The following NRXN3 variants were observed in gnomAD, a reference collection of about 807,000 sequenced individuals.
NRXN3 encodes neurexin III.
A neutral mutation model predicts 137.6 loss-of-function variants in NRXN3; 32 were observed. That is an observed-to-expected ratio of 0.23 (90% CI 0.18 to 0.31). The LOEUF is 0.31. Among genes scored for constraint, NRXN3 ranks in the 10% least tolerant of loss-of-function variants. The probability of loss-of-function intolerance (pLI) is 1.00; values close to 1 mark genes in which losing one functional copy is unlikely to be tolerated. For missense variants in NRXN3, 1,574 were observed against 2,062.5 expected (o/e 0.76, Z 4.59); for synonymous variants, 798 against 784.5 (o/e 1.02, Z -0.29).
chr14:78,443,763 T>C (rs2094330080), intron 4 of NRXN3, among the ~76,000 whole-genome samples: 1 of 152,210 alleles, frequency 6.6e-6, no homozygotes, highest in Admixed American at 6.5e-5. Flanking sequence ...TTATATGAAA[T>C]AATGTGCTTA....
intron 15 of NRXN3, among the ~76,000 whole-genome samples, chr14:79,086,368 C>G (rs973730467): frequency 2.0e-5 from 3 of 152,214 alleles, no homozygotes; most frequent in Middle Eastern, 3.4e-3. Context: ...CCATCCCTCG[C>G]TTTAACTTGG....
chr14:78,348,149 T>A (rs1427723264), intron 4 of NRXN3, among the ~76,000 whole-genome samples: 1 of 152,132 alleles, frequency 6.6e-6, no homozygotes. Flanking sequence ...AGGTCCTCTG[T>A]GTTTTCTCAG....
chr14:79,175,283 A>T (rs1214536291), intron 15 of NRXN3, among the ~76,000 whole-genome samples: 1 of 152,154 alleles, frequency 6.6e-6, no homozygotes, highest in East Asian at 1.9e-4. Context: ...CCCAGCCCAG[A>T]TTTCTTTTTT....
At chr14:79,240,857 C>G (rs2074162935) in intron 15 of NRXN3, among the ~76,000 whole-genome samples, 1 of 152,170 alleles carries the variant, frequency 6.6e-6, no homozygotes, top group South Asian at 2.1e-4. Context: ...ATTACTTTCC[C>G]TGACAGGCAT....
At position 79,358,607 on chromosome 14, in the gene NRXN3, G is replaced by GAGAAAGAAAGAAAAAGAA. The variant is rs2093540452; in HGVS notation, c.3263-108601_3263-108600insAAGAAAGAAAGAAAGAAA. ...AGAGAGAAAGAAAGAAAGAAAGAAAGAGAAAGAAAGAAAGAAAGAAAGAAA... is the reference window on the plus strand; with the variant it reads ...AGAGAGAAAGAAAGAAAGAAAGAAAGAGAAAGAAAGAAAAAGAAAGAAAGAAAGAAAGAAAGAAAGAAA... On this transcript the variant is annotated intron_variant, in intron 15 of 20. Coordinates refer to ENST00000335750, the MANE Select transcript of NRXN3 (RefSeq NM_001330195.2). 7.4e-4 allele frequency among the ~76,000 whole-genome samples: 59 copies of GAGAAAGAAAGAAAAAGAA among 79,984 alleles called. 1 individual carries two copies. The highest frequency in any genetic ancestry group is 2.3e-3 in the African/African-American group (56 of 24,020). 52.5% of individuals were successfully genotyped at this position (79,984 alleles called of 152,430 possible).
At chr14:79,515,923 G>C (rs934725668) in intron 16 of NRXN3, among the ~76,000 whole-genome samples, 1 of 152,104 alleles carries the variant, frequency 6.6e-6, no homozygotes. Flanking sequence ...TTAAATCAGG[G>C]CCCACAAACT....
intron 4 of NRXN3, among the ~76,000 whole-genome samples, chr14:78,545,240 A>G (rs1341980031): frequency 6.6e-6 from 1 of 152,188 alleles, no homozygotes; most frequent in Non-Finnish European, 1.5e-5. Flanking sequence ...AAACATAGGA[A>G]GGTGGTTTCT....
chr14:78,534,764 C>A (rs1035857176), intron 4 of NRXN3, among the ~76,000 whole-genome samples: 1 of 152,194 alleles, frequency 6.6e-6, no homozygotes, highest in African/African-American at 2.4e-5. Context: ...AAAGGTAGCA[C>A]TTTGGTATTC....
At chr14:79,108,480 A>G (rs1276327347) in intron 15 of NRXN3, among the ~76,000 whole-genome samples, 2 of 152,180 alleles carry the variant, frequency 1.3e-5, no homozygotes, top group Admixed American at 1.3e-4. Flanking sequence ...CATTAGCTGG[A>G]TATGTAGGAC....
rs190144184 is a variant in NRXN3 at position 78,505,070 on chromosome 14, C to T, written c.758-140050C>T. 4.6e-5 allele frequency among the ~76,000 whole-genome samples: 7 copies of T among 152,254 alleles called. No homozygotes were observed. In the East Asian group the frequency reaches 1.4e-3, roughly 29 times the overall value. On this transcript the variant is annotated intron_variant, in intron 4 of 20. Transcript: ENST00000335750. ...TTACAAACAGGACCATATGCTGACA[C>T]ATTTTATCTCTCTGCCTGGTGGAAT...
chr14:78,823,190 T>G (rs961492819), intron 10 of NRXN3, among the ~76,000 whole-genome samples: 1 of 152,230 alleles, frequency 6.6e-6, no homozygotes, highest in African/African-American at 2.4e-5. Flanking sequence ...TTATTACTGA[T>G]GAATCACTCT....
intron 10 of NRXN3, among the ~76,000 whole-genome samples, chr14:78,835,159 G>A (rs2098992919): frequency 2.6e-5 from 4 of 152,170 alleles, no homozygotes; most frequent in African/African-American, 9.7e-5. Flanking sequence ...AGGGGAGAGA[G>A]AGAGAACCGG....
At position 79,545,339 on chromosome 14, in the gene NRXN3, C is replaced by G. The variant is rs545256172; in HGVS notation, c.3444+77937C>G. The stretch of plus-strand genomic sequence containing the variant: ...GCTTTTTCCAGCTTCTAAAGGCCAC[C>G]TGCTTTCTTTGGCTCATGGGCCCTT... On this transcript the variant is annotated intron_variant, in intron 16 of 20. Coordinates refer to ENST00000335750, the MANE Select transcript of NRXN3 (RefSeq NM_001330195.2). Among the ~76,000 whole-genome samples, 3 of 152,214 alleles carry G rather than the reference C, an allele frequency of 2.0e-5. No homozygotes were observed. The East Asian group carries it at 5.8e-4, about 29-fold the overall frequency.
At chr14:78,405,055 A>G (rs1192256532) in intron 4 of NRXN3, among the ~76,000 whole-genome samples, 8 of 152,198 alleles carry the variant, frequency 5.3e-5, no homozygotes, top group Admixed American at 3.3e-4. Context: ...TCATCCAGCA[A>G]TTGATCTTCT....
intron 15 of NRXN3, among the ~76,000 whole-genome samples, chr14:79,239,727 A>G (rs1459936593): frequency 6.6e-6 from 1 of 152,192 alleles, no homozygotes; most frequent in African/African-American, 2.4e-5. Context: ...CAGTATTCAC[A>G]ATAGCCAAGA....
intron 16 of NRXN3, among the ~76,000 whole-genome samples, chr14:79,471,325 C>T (rs1162356790): frequency 1.3e-5 from 2 of 152,146 alleles, no homozygotes; most frequent in African/African-American, 2.4e-5. Flanking sequence ...GGCAAATCCA[C>T]AGGTAGGAGA....
rs145424037 is a variant in NRXN3 at position 79,520,776 on chromosome 14, T to G, written c.3444+53374T>G. Among the ~76,000 whole-genome samples, 284 of 152,290 alleles carry G rather than the reference T, an allele frequency of 1.9e-3. 1 individual carries two copies. Among genetic ancestry groups the G allele is most frequent in the African/African-American group, 6.2e-3 (256 of 41,562 alleles). On this transcript the variant is annotated intron_variant, in intron 16 of 20. Transcript: ENST00000335750. Reference sequence around the variant, plus strand: ...CGAAAAGTCAGGAAACAGCAGATGCTGGAGAGGATGTGGAGAAGTAGGAAT... The same window carrying G: ...CGAAAAGTCAGGAAACAGCAGATGCGGGAGAGGATGTGGAGAAGTAGGAAT...
At chr14:78,361,365 T>C (rs1346312247) in intron 4 of NRXN3, among the ~76,000 whole-genome samples, 1 of 152,216 alleles carries the variant, frequency 6.6e-6, no homozygotes, top group African/African-American at 2.4e-5. Context: ...GGACTAAGTT[T>C]CTTGGGAAAA....
At chr14:78,357,743 A>T (rs1033912303) in intron 4 of NRXN3, among the ~76,000 whole-genome samples, 5 of 152,326 alleles carry the variant, frequency 3.3e-5, no homozygotes, top group Admixed American at 6.5e-5. Context: ...AAAGGGCTTA[A>T]CATTGGATTC....
Sources: gnomAD v4.1 joint callset for allele counts (sites outside exome capture counted in the v4.1 genomes callset) on GRCh38, gnomAD v4.1.1 for gene constraint, MANE v1.5 for transcripts, NCBI Gene and HGNC (gene_info 2026-07-23, HGNC 2026-07-21) for gene names.